Variants in COL9A1 observed in about 807,000 individuals in gnomAD.
The protein encoded by COL9A1 is collagen type IX alpha 1 chain.
In COL9A1, 104 loss-of-function variants were observed where a neutral mutation model predicts 142.6. The ratio of observed to expected loss-of-function variants is 0.73; its 90% confidence interval spans 0.62 to 0.86. The LOEUF is 0.86. Among genes scored for constraint, COL9A1 ranks in the 40% least tolerant of loss-of-function variants. COL9A1 has a pLI of 0.00. For missense variants in COL9A1, 1,210 were observed against 1,176.6 expected (o/e 1.03, Z -0.42); for synonymous variants, 466 against 396.0 (o/e 1.18, Z -2.10).
intron 10 of COL9A1, among the ~76,000 whole-genome samples, chr6:70,275,633 T>C (rs939249343): frequency 1.3e-4 from 20 of 152,234 alleles, no homozygotes; most frequent in Non-Finnish European, 2.6e-4. Flanking sequence ...TACAAGAATT[T>C]CCATATTTGG....
At chr6:70,247,350 A>C (rs1272930768) in intron 28 of COL9A1, among the ~76,000 whole-genome samples, 2 of 152,222 alleles carry the variant, frequency 1.3e-5, no homozygotes, top group African/African-American at 4.8e-5. Context: ...GATCACAAAA[A>C]ATAACAGATT....
chr6:70,280,540 C>CT, intron 10 of COL9A1: 1 of 1,385,972 alleles, frequency 7.2e-7, no homozygotes, highest in Non-Finnish European at 9.4e-7. Flanking sequence ...TGTGAGGTCA[C>CT]GGTTAGAGAC....
chr6:70,222,312 G>C (rs1244963344), intron 37 of COL9A1, among the ~76,000 whole-genome samples: 5 of 152,194 alleles, frequency 3.3e-5, no homozygotes, highest in Non-Finnish European at 7.3e-5. Context: ...GGTAGGCATA[G>C]TGATTCCCAT....
At position 70,216,522 on chromosome 6, in the gene COL9A1, C is replaced by A; in HGVS notation, c.*375G>T. 4.3e-6 allele frequency: 1 copy of A among 232,826 alleles called. No individual in the cohort carries two copies. Among genetic ancestry groups the A allele is most frequent in the Non-Finnish European group, 8.6e-6 (1 of 116,394 alleles). The allele number at this position is 232,826 out of a possible 1,614,324, so 14.4% of individuals were successfully genotyped here. ...TTCTAAATGAAAATAACTACTGCAA[C>A]TGAGGTAAACCAAACAGTTGTTTTT... On this transcript the variant is annotated 3_prime_UTR_variant, in exon 38 of 38. Coordinates refer to ENST00000357250, the MANE Select transcript of COL9A1 (RefSeq NM_001851.6).
chr6:70,295,382 G>C (rs1176768422), intron 4 of COL9A1, among the ~76,000 whole-genome samples: 1 of 149,004 alleles, frequency 6.7e-6, no homozygotes, highest in East Asian at 2.0e-4. Flanking sequence ...CACCTCCTGG[G>C]TTCAAGTGAT....
chr6:70,221,138 T>TAA (rs1174642190), intron 37 of COL9A1, among the ~76,000 whole-genome samples: 5 of 152,224 alleles, frequency 3.3e-5, no homozygotes, highest in Admixed American at 1.3e-4. Context: ...TCATTCTCTA[T>TAA]AAAACCACTA....
At chr6:70,285,989 G>A (rs1773437135) in intron 5 of COL9A1, among the ~76,000 whole-genome samples, 2 of 152,004 alleles carry the variant, frequency 1.3e-5, no homozygotes, top group Admixed American at 1.3e-4. Flanking sequence ...CCTGGGTTCA[G>A]GCGATTCTCC....
At position 70,283,900 on chromosome 6, in the gene COL9A1, C is replaced by T. The variant is rs1001109102; in HGVS notation, c.697-80G>A. 2.5e-5 allele frequency: 25 copies of T among 983,968 alleles called. No individual in the cohort carries two copies. The African/African-American group carries it at 3.9e-4, about 15-fold the overall frequency. The allele number at this position is 983,968 out of a possible 1,614,324, so 61.0% of individuals were successfully genotyped here. A position where few individuals can be genotyped will look rare whatever the true frequency, so the allele number is the denominator to read the frequency against. Reference sequence around the variant, plus strand: ...CATTCAAGAGAGAGATGAGTTGCGTCTAATTGTTAAATAATTGGAAATCAA... The same window carrying T: ...CATTCAAGAGAGAGATGAGTTGCGTTTAATTGTTAAATAATTGGAAATCAA... On this transcript the variant is annotated intron_variant, in intron 5 of 37. Transcript: ENST00000357250.
intron 5 of COL9A1, among the ~76,000 whole-genome samples, chr6:70,292,030 A>G (rs1309950272): frequency 6.6e-6 from 1 of 152,202 alleles, no homozygotes; most frequent in Non-Finnish European, 1.5e-5. Context: ...GCATATTAAG[A>G]TGATGTTTTA....
Position 70,300,096 on chromosome 6 carries a change from T to C in COL9A1, c.246A>G (p.Thr82=). 1.2e-6 allele frequency: 2 copies of C among 1,613,944 alleles called. No individual in the cohort carries two copies. The highest frequency in any genetic ancestry group is 1.7e-6 in the Non-Finnish European group (2 of 1,179,878). Reference sequence around the variant, plus strand: ...TTCCCAACTTGTAAGCCACCTGCAATGTAGCTGATCCCACTACTCTCTGGA... The same window carrying C: ...TTCCCAACTTGTAAGCCACCTGCAACGTAGCTGATCCCACTACTCTCTGGA... The part of the protein sequence containing the change: ...RAIQRVVGSA[T]LQVAYKLGNN... Residue 82 remains threonine, a synonymous_variant, in exon 4 of 38, where the codon ACA becomes ACG. Transcript: ENST00000357250.
chr6:70,246,463 C>A (rs1770616113), intron 28 of COL9A1, among the ~76,000 whole-genome samples: 1 of 152,136 alleles, frequency 6.6e-6, no homozygotes, highest in Admixed American at 6.5e-5. Flanking sequence ...CCAGTGATAG[C>A]TATGCATCAG....
rs572650953 is a variant in COL9A1, at chr6:70,285,539, C to T, written c.697-1719G>A. ...AGTATATGTGAAAAATAATTTAGTCCTTTTGGCTGGTGTGAGTACAGTGAT... is the reference window on the plus strand; with the variant it reads ...AGTATATGTGAAAAATAATTTAGTCTTTTTGGCTGGTGTGAGTACAGTGAT... On this transcript the variant is annotated intron_variant, in intron 5 of 37. Coordinates refer to ENST00000357250, the MANE Select transcript of COL9A1 (RefSeq NM_001851.6). Among the ~76,000 whole-genome samples, 5 of 152,298 alleles carry T rather than the reference C, an allele frequency of 3.3e-5. No homozygotes were observed. In the South Asian group the frequency reaches 1.0e-3, roughly 32 times the overall value.
At chr6:70,272,951 C>T (rs1290863253) in intron 12 of COL9A1, among the ~76,000 whole-genome samples, 1 of 152,114 alleles carries the variant, frequency 6.6e-6, no homozygotes, top group East Asian at 1.9e-4. Flanking sequence ...TTCTCTCCTA[C>T]ATTGGTTAGA....
chr6:70,257,688 G>A (rs984944059), intron 20 of COL9A1, among the ~76,000 whole-genome samples: 3 of 152,144 alleles, frequency 2.0e-5, no homozygotes, highest in Non-Finnish European at 4.4e-5. Context: ...AGGAGATTGC[G>A]TTGAGTGGAG....
At chr6:70,295,125 A>G (rs952470358) in intron 4 of COL9A1, among the ~76,000 whole-genome samples, 1 of 152,162 alleles carries the variant, frequency 6.6e-6, no homozygotes, top group Non-Finnish European at 1.5e-5. Flanking sequence ...TTTGAGAACC[A>G]GTAACTGAGG....
rs990845340 is a variant in COL9A1, at chr6:70,242,307, C to T, written c.1927-272G>A. Among the ~76,000 whole-genome samples the T allele has an allele frequency of 4.6e-5, 7 of 152,184 alleles. No individual in the cohort carries two copies. The South Asian group carries it at 8.3e-4, about 18-fold the overall frequency. ...TTTTCAGTCAAGCCCCCGCCACCCC[C>T]GCACTGCCTGCAATGGCGCTGCTGC... On this transcript the variant is annotated intron_variant, in intron 29 of 37. Coordinates refer to ENST00000357250, the MANE Select transcript of COL9A1 (RefSeq NM_001851.6).
intron 29 of COL9A1, 191 bp from the exon 30 acceptor site, chr6:70,242,226 C>T (rs1770304883): frequency 1.5e-6 from 1 of 651,862 alleles, no homozygotes; most frequent in African/African-American, 1.8e-5. Flanking sequence ...TTCTCCCAGC[C>T]TTCACTCCAC....
At chr6:70,225,500 G>C (rs1160455921) in intron 37 of COL9A1, among the ~76,000 whole-genome samples, 1 of 151,850 alleles carries the variant, frequency 6.6e-6, no homozygotes, top group Non-Finnish European at 1.5e-5. Context: ...GTGTTTGAAA[G>C]GGGAGCTTTA....
At chr6:70,282,111 G>C (rs1238341875) in intron 7 of COL9A1, among the ~76,000 whole-genome samples, 1 of 152,076 alleles carries the variant, frequency 6.6e-6, no homozygotes. Context: ...CCCTTTTATC[G>C]CTTGCAAACA....
Sources: gnomAD v4.1 joint callset for allele counts (sites outside exome capture counted in the v4.1 genomes callset) on GRCh38, gnomAD v4.1.1 for gene constraint, MANE v1.5 for transcripts, NCBI Gene and HGNC (gene_info 2026-07-23, HGNC 2026-07-21) for gene names.